PHLDB2: variants seen among roughly 807,000 people sequenced by gnomAD.
PHLDB2 encodes the protein pleckstrin homology like domain family B member 2, also known as pleckstrin homology-like domain family B member 2.
A neutral mutation model predicts 123.6 loss-of-function variants in PHLDB2; 71 were observed. The ratio of observed to expected loss-of-function variants is 0.57; its 90% CI spans 0.47 to 0.70. The LOEUF (loss-of-function observed/expected upper bound fraction) is 0.70. PHLDB2 is among the 30% of genes least tolerant of loss of function. PHLDB2 has a pLI of 0.00. For missense variants in PHLDB2, 1,446 were observed against 1,519.5 expected (o/e 0.95, Z 0.80); for synonymous variants, 547 against 541.6 (o/e 1.01, Z -0.14).
chr3:111,890,856 T>A (rs1054409904), intron 2 of PHLDB2, among the ~76,000 whole-genome samples: 2 of 152,222 alleles, frequency 1.3e-5, no homozygotes, highest in African/African-American at 4.8e-5. Flanking sequence ...AAAATAATTT[T>A]ACTTTTTTGG....
At chr3:111,754,139 T>C (rs1337621818) in intron 1 of PHLDB2, among the ~76,000 whole-genome samples, 2 of 151,972 alleles carry the variant, frequency 1.3e-5, no homozygotes, top group Non-Finnish European at 2.9e-5. Context: ...GTGGGCTCTT[T>C]TTTGGTTCCA....
intron 2 of PHLDB2, among the ~76,000 whole-genome samples, chr3:111,887,103 T>C (rs2066214299): frequency 6.6e-6 from 1 of 152,188 alleles, no homozygotes; most frequent in South Asian, 2.1e-4. Context: ...GAAATTCATC[T>C]CTGCTAGGTT....
intron 12 of PHLDB2, chr3:111,958,578 G>A: frequency 2.6e-6 from 1 of 378,864 alleles, no homozygotes; most frequent in Admixed American, 3.6e-5. Context: ...GTCCCAGGCA[G>A]TGAAGAGCTG....
chr3:111,796,291 G>T (rs1041199332), intron 1 of PHLDB2, among the ~76,000 whole-genome samples: 5 of 152,166 alleles, frequency 3.3e-5, no homozygotes, highest in African/African-American at 1.2e-4. Flanking sequence ...AACCTAAAAA[G>T]AAACAAACAA....
intron 2 of PHLDB2, among the ~76,000 whole-genome samples, chr3:111,895,578 T>G (rs1256546683): frequency 6.6e-6 from 1 of 152,230 alleles, no homozygotes; most frequent in Admixed American, 6.5e-5. Flanking sequence ...CCAGGCGTGT[T>G]GGCTCACGCC....
intron 5 of PHLDB2, among the ~76,000 whole-genome samples, chr3:111,926,078 T>C (rs2068799157): frequency 6.6e-6 from 1 of 152,202 alleles, no homozygotes; most frequent in African/African-American, 2.4e-5. Flanking sequence ...CACAGATGCA[T>C]TGTTATATTT....
At chr3:111,754,140 T>C (rs2059838066) in intron 1 of PHLDB2, among the ~76,000 whole-genome samples, 1 of 151,944 alleles carries the variant, frequency 6.6e-6, no homozygotes, top group Non-Finnish European at 1.5e-5. Flanking sequence ...TGGGCTCTTT[T>C]TTGGTTCCAT....
At chr3:111,870,920 C>T (rs1383992872) in intron 1 of PHLDB2, among the ~76,000 whole-genome samples, 2 of 152,162 alleles carry the variant, frequency 1.3e-5, no homozygotes, top group East Asian at 3.8e-4. Context: ...ATGCGGACTC[C>T]AAGTCAGCGT....
At chr3:111,935,466 A>G (rs2107583578) in intron 6 of PHLDB2, among the ~76,000 whole-genome samples, 2 of 152,000 alleles carry the variant, frequency 1.3e-5, no homozygotes. Flanking sequence ...AGGGTTCTCT[A>G]GAGGGACAGA....
At chr3:111,957,044 A>G (rs1038693196) in intron 12 of PHLDB2, 3 of 152,486 alleles carry the variant, frequency 2.0e-5, no homozygotes, top group African/African-American at 7.2e-5. Context: ...ATAAGCCTTA[A>G]TCAGCACTGT....
intron 16 of PHLDB2, among the ~76,000 whole-genome samples, chr3:111,971,353 C>G (rs1280537406): frequency 1.3e-5 from 2 of 152,088 alleles, no homozygotes; most frequent in Non-Finnish European, 2.9e-5. Flanking sequence ...GTTTCATGAC[C>G]TGGCCAACTG....
intron 1 of PHLDB2, among the ~76,000 whole-genome samples, chr3:111,787,971 T>A (rs2060762846): frequency 6.6e-6 from 1 of 152,006 alleles, no homozygotes; most frequent in South Asian, 2.1e-4. Flanking sequence ...AAATAGAGGG[T>A]AAGAAATCCT....
intron 1 of PHLDB2, among the ~76,000 whole-genome samples, chr3:111,751,410 A>G (rs1401259140): frequency 6.6e-6 from 1 of 152,120 alleles, no homozygotes; most frequent in Non-Finnish European, 1.5e-5. Flanking sequence ...ATTACCACCT[A>G]TGTTCTACTC....
At chr3:111,948,281 G>A (rs1301886310) in intron 9 of PHLDB2, among the ~76,000 whole-genome samples, 3 of 152,068 alleles carry the variant, frequency 2.0e-5, no homozygotes, top group Admixed American at 1.3e-4. Context: ...GTGTCTGTGT[G>A]TTTGTGCATG....
At chr3:111,916,055 A>G (rs12491508) in intron 3 of PHLDB2, 42,308 of 152,188 alleles carry the variant, frequency 0.28, 7,115 homozygotes, top group East Asian at 0.64. Flanking sequence ...TGCTGTCTCT[A>G]AAGACTATCT....
chr3:111,862,738 G>A (rs2064894882), intron 1 of PHLDB2, among the ~76,000 whole-genome samples: 1 of 152,106 alleles, frequency 6.6e-6, no homozygotes, highest in South Asian at 2.1e-4. Flanking sequence ...GCCATTTAGA[G>A]TCTTAATATA....
rs143515150 is a variant in PHLDB2 at position 111,848,529 on chromosome 3, C to T, written c.67+2594C>T. Among the ~76,000 whole-genome samples, 9 of 152,274 alleles carry T rather than the reference C, an allele frequency of 5.9e-5. No homozygotes were observed. In the East Asian group the frequency reaches 1.7e-3, roughly 29 times the overall value. On this transcript the variant is annotated intron_variant, in intron 2 of 17. Transcript: ENST00000393923. ...GCTTTGACCCCCCCAAACAGCACTC[C>T]AAGTGTTGAGGGATCTCAGACCTTA...
chr3:111,840,188 G>T (rs1038629339), intron 1 of PHLDB2, among the ~76,000 whole-genome samples: 3 of 151,744 alleles, frequency 2.0e-5, no homozygotes, highest in Non-Finnish European at 4.4e-5. Context: ...GGAGGTTGAG[G>T]CTGCAATGAG....
At chr3:111,820,100 G>A (rs2062300219) in intron 1 of PHLDB2, among the ~76,000 whole-genome samples, 1 of 152,156 alleles carries the variant, frequency 6.6e-6, no homozygotes, top group Admixed American at 6.5e-5. Flanking sequence ...TCTCTAGAGA[G>A]GGTCTGACCA....
Sources: gnomAD v4.1 joint callset for allele counts (sites outside exome capture counted in the v4.1 genomes callset) on GRCh38, gnomAD v4.1.1 for gene constraint, MANE v1.5 for transcripts, NCBI Gene and HGNC (gene_info 2026-07-23, HGNC 2026-07-21) for gene names.